PDE4B: variants seen among roughly 807,000 people sequenced by gnomAD.
PDE4B encodes the protein 3',5'-cyclic-AMP phosphodiesterase 4B.
PDE4B carries 20 observed loss-of-function variants against 82.2 expected under a neutral mutation model. That is an observed-to-expected ratio of 0.24 (90% CI 0.17 to 0.35). The LOEUF (loss-of-function observed/expected upper bound fraction) is 0.35, where lower values mean the gene tolerates loss of function less well. Among genes scored for constraint, PDE4B ranks in the 10% least tolerant of loss-of-function variants. The pLI is 1.00. For missense variants in PDE4B, 655 were observed against 907.2 expected (o/e 0.72, Z 3.57); for synonymous variants, 320 against 318.9 (o/e 1.00, Z -0.04).
At chr1:66,090,860 C>T (rs772834809) in intron 3 of PDE4B, among the ~76,000 whole-genome samples, 15 of 151,598 alleles carry the variant, frequency 9.9e-5, no homozygotes, top group Non-Finnish European at 1.5e-4. Flanking sequence ...CGCTGTATGA[C>T]GGGAACTAGA....
At chr1:66,070,966 A>G (rs2100927090) in intron 3 of PDE4B, among the ~76,000 whole-genome samples, 1 of 152,154 alleles carries the variant, frequency 6.6e-6, no homozygotes, top group African/African-American at 2.4e-5. Flanking sequence ...TTTAATATAT[A>G]AGCTATGAAA....
At chr1:66,350,571 C>T (rs1407524924) in intron 8 of PDE4B, among the ~76,000 whole-genome samples, 1 of 152,096 alleles carries the variant, frequency 6.6e-6, no homozygotes, top group Admixed American at 6.6e-5. Flanking sequence ...CTTTCATGGG[C>T]TTTATACTAG....
chr1:66,111,612 G>A (rs1645486820), intron 3 of PDE4B, among the ~76,000 whole-genome samples: 1 of 151,948 alleles, frequency 6.6e-6, no homozygotes, highest in Non-Finnish European at 1.5e-5. Flanking sequence ...GTTTTTTAAG[G>A]CCAAATAGTA....
intron 3 of PDE4B, among the ~76,000 whole-genome samples, chr1:66,002,048 A>G (rs900889557): frequency 1.3e-5 from 2 of 152,112 alleles, no homozygotes; most frequent in African/African-American, 4.8e-5. Context: ...ACTTTATAAA[A>G]CACTGCCAAA....
At position 65,841,412 on chromosome 1, in the gene PDE4B, G is replaced by C. The variant is rs543057530; in HGVS notation, c.-71+48164G>C. Among the ~76,000 whole-genome samples the C allele has an allele frequency of 1.6e-4, 19 of 121,534 alleles. No individual in the cohort carries two copies. In the East Asian group the frequency reaches 2.9e-3, roughly 18 times the overall value. 79.7% of individuals were successfully genotyped at this position (121,534 alleles called of 152,430 possible). ...AGGAAGGAAGGAATTATTGCACTTA[G>C]AGTTCATTGCCATTTCTAGTTATGT... On this transcript the variant is annotated intron_variant, in intron 1 of 16. Transcript: ENST00000341517.
intron 3 of PDE4B, among the ~76,000 whole-genome samples, chr1:66,190,813 T>G (rs1647728313): frequency 6.6e-6 from 1 of 152,054 alleles, no homozygotes; most frequent in Admixed American, 6.5e-5. Flanking sequence ...CACCCTGCTT[T>G]GGCTCATACT....
chr1:66,363,101 T>A, intron 10 of PDE4B, 67 bp from the exon 11 acceptor site: 1 of 1,080,208 alleles, frequency 9.3e-7, no homozygotes, highest in South Asian at 1.3e-5. Context: ...AAAAAATAAA[T>A]TAAAAAAATG....
chr1:66,099,143 T>G (rs1557559704), intron 3 of PDE4B, among the ~76,000 whole-genome samples: 4 of 151,996 alleles, frequency 2.6e-5, no homozygotes. Context: ...ATGGCCCCAG[T>G]GTATGTTGTT....
intron 3 of PDE4B, among the ~76,000 whole-genome samples, chr1:66,235,921 C>T (rs1196518768): frequency 6.6e-6 from 1 of 152,160 alleles, no homozygotes; most frequent in Admixed American, 6.5e-5. Flanking sequence ...CAGTAATGTA[C>T]AGAAACAGCT....
chr1:66,210,780 A>T (rs1649983270), intron 3 of PDE4B, among the ~76,000 whole-genome samples: 1 of 138,630 alleles, frequency 7.2e-6, no homozygotes. Context: ...AAAGTCATAT[A>T]AAAAAAATCA....
intron 3 of PDE4B, among the ~76,000 whole-genome samples, chr1:66,006,797 A>G (rs190559404): frequency 1.3e-5 from 2 of 151,942 alleles, no homozygotes; most frequent in Admixed American, 1.3e-4. Flanking sequence ...GTGAAGAAGG[A>G]CGTGTTTGCT....
intron 8 of PDE4B, among the ~76,000 whole-genome samples, chr1:66,348,222 C>T (rs1438790794): frequency 2.0e-5 from 3 of 152,026 alleles, no homozygotes; most frequent in Non-Finnish European, 2.9e-5. Flanking sequence ...AAATATTAGC[C>T]GTTATACCTG....
In PDE4B at chr1:66,373,010, C is replaced by G. The variant is rs1458433351; in HGVS notation, c.*332C>G. ...TTCGGGAACTTATCCCCGACAGTGA[C>G]TGAACTCACTGACTAATAACTTCAT... On this transcript the variant is annotated 3_prime_UTR_variant, in exon 17 of 17. Coordinates refer to ENST00000341517, the MANE Select transcript of PDE4B (RefSeq NM_002600.4). 7 of 236,386 alleles carry G rather than the reference C, an allele frequency of 3.0e-5. No individual in the cohort carries two copies. In the East Asian group the frequency reaches 6.0e-4, roughly 20 times the overall value. The allele number at this position is 236,386 out of a possible 1,614,324, so 14.6% of individuals were successfully genotyped here.
intron 3 of PDE4B, among the ~76,000 whole-genome samples, chr1:66,105,116 A>G (rs1298030357): frequency 2.6e-5 from 4 of 151,992 alleles, no homozygotes; most frequent in Non-Finnish European, 4.4e-5. Flanking sequence ...TAATTTTTGT[A>G]TAAGATATAA....
chr1:65,861,833 G>A (rs1646458035), intron 1 of PDE4B, among the ~76,000 whole-genome samples: 1 of 152,112 alleles, frequency 6.6e-6, no homozygotes, highest in African/African-American at 2.4e-5. Context: ...GTTCACTCAT[G>A]ATTTGGCTCT....
intron 7 of PDE4B, among the ~76,000 whole-genome samples, chr1:66,290,195 G>T (rs183722940): frequency 6.6e-6 from 1 of 152,138 alleles, no homozygotes; most frequent in Non-Finnish European, 1.5e-5. Context: ...AGATCTAGAA[G>T]GGGTGAAGGG....
intron 3 of PDE4B, among the ~76,000 whole-genome samples, chr1:66,059,260 C>T (rs1655463134): frequency 6.6e-6 from 1 of 152,172 alleles, no homozygotes; most frequent in Admixed American, 6.6e-5. Flanking sequence ...TTCCTCAAAG[C>T]CATTCAACAA....
chr1:66,107,532 C>A (rs1478756494), intron 3 of PDE4B, among the ~76,000 whole-genome samples: 3 of 150,904 alleles, frequency 2.0e-5, no homozygotes, highest in South Asian at 2.1e-4. Context: ...AAAAAAAAAA[C>A]CTGCCTTCCC....
chr1:66,170,727 A>G (rs1315303054), intron 3 of PDE4B, among the ~76,000 whole-genome samples: 1 of 152,210 alleles, frequency 6.6e-6, no homozygotes, highest in African/African-American at 2.4e-5. Context: ...TCTGGTGTCC[A>G]TGAACTGTGT....
Sources: gnomAD v4.1 joint callset for allele counts (sites outside exome capture counted in the v4.1 genomes callset) on GRCh38, gnomAD v4.1.1 for gene constraint, MANE v1.5 for transcripts, NCBI Gene and HGNC (gene_info 2026-07-23, HGNC 2026-07-21) for gene names.